Variants in PHKB observed in about 807,000 individuals in gnomAD.
PHKB encodes phosphorylase b kinase regulatory subunit beta.
In PHKB, 122 loss-of-function variants were observed where a neutral mutation model predicts 152.1. The ratio of observed to expected loss-of-function variants is 0.80; its 90% CI spans 0.69 to 0.93. PHKB has a LOEUF of 0.93. Among genes scored for constraint, PHKB ranks in the 40% least tolerant of loss-of-function variants. The probability of loss-of-function intolerance (pLI) is 0.00; values close to 1 mark genes in which losing one functional copy is unlikely to be tolerated. For missense variants in PHKB, 1,304 were observed against 1,328.4 expected, an observed-to-expected ratio of 0.98 and a Z score of 0.29; for synonymous variants, 436 against 464.9, an observed-to-expected ratio of 0.94 and a Z score of 0.80.
intron 26 of PHKB, among the ~76,000 whole-genome samples, chr16:47,677,674 A>G (rs1973758298): frequency 6.6e-6 from 1 of 152,172 alleles, no homozygotes; most frequent in African/African-American, 2.4e-5. Context: ...TCCAGATACC[A>G]TCACACTGGA....
At chr16:47,466,306 T>G (rs988865282) in intron 1 of PHKB, among the ~76,000 whole-genome samples, 21 of 152,216 alleles carry the variant, frequency 1.4e-4, no homozygotes, top group African/African-American at 5.1e-4. Context: ...TAAATAATTA[T>G]TAGAGAAGGA....
intron 14 of PHKB, among the ~76,000 whole-genome samples, chr16:47,634,715 G>A (rs1308594045): frequency 6.6e-6 from 1 of 152,154 alleles, no homozygotes; most frequent in Admixed American, 6.5e-5. Context: ...CACTTGATGG[G>A]AATATAGTTG....
At chr16:47,464,202 A>C in intron 1 of PHKB, 2 of 574,204 alleles carry the variant, frequency 3.5e-6, no homozygotes, top group South Asian at 2.0e-5. Context: ...AAAAGAACAG[A>C]GAGTGGAGTG....
intron 13 of PHKB, among the ~76,000 whole-genome samples, chr16:47,600,517 G>A (rs1206878241): frequency 6.6e-6 from 1 of 152,106 alleles, no homozygotes; most frequent in Non-Finnish European, 1.5e-5. Flanking sequence ...GTACCTTTTT[G>A]AGCTATTTGC....
At chr16:47,683,329 G>A (rs962894584) in intron 26 of PHKB, among the ~76,000 whole-genome samples, 9 of 152,228 alleles carry the variant, frequency 5.9e-5, no homozygotes, top group South Asian at 4.1e-4. Context: ...GGTTACTGCC[G>A]TCTTTTTGTT....
At chr16:47,555,621 A>G (rs1971355461) in intron 7 of PHKB, among the ~76,000 whole-genome samples, 1 of 152,248 alleles carries the variant, frequency 6.6e-6, no homozygotes, top group Non-Finnish European at 1.5e-5. Context: ...AGCTTATAAT[A>G]GAATAATTTA....
chr16:47,621,926 A>G (rs1246690935), intron 14 of PHKB, among the ~76,000 whole-genome samples: 1 of 152,222 alleles, frequency 6.6e-6, no homozygotes, highest in East Asian at 1.9e-4. Context: ...TTGGAAGTCA[A>G]AAAAATGAGC....
At chr16:47,580,394 G>C (rs758411456) in intron 8 of PHKB, 36 bp downstream of exon 8, 1 of 1,400,422 alleles carries the variant, frequency 7.1e-7, no homozygotes. Context: ...TTGATTATTT[G>C]AATTGCACAT....
At chr16:47,635,732 A>G (rs1243454263) in intron 14 of PHKB, among the ~76,000 whole-genome samples, 1 of 152,228 alleles carries the variant, frequency 6.6e-6, no homozygotes, top group Non-Finnish European at 1.5e-5. Flanking sequence ...GTGAGTGACT[A>G]TGAGCACAGA....
chr16:47,520,605 G>T (rs1005846161), intron 6 of PHKB, among the ~76,000 whole-genome samples: 3 of 152,202 alleles, frequency 2.0e-5, no homozygotes, highest in African/African-American at 7.2e-5. Context: ...TTCAAAGGCA[G>T]CCAAAGAGAC....
At chr16:47,563,739 G>A (rs540468945) in intron 7 of PHKB, among the ~76,000 whole-genome samples, 57 of 152,156 alleles carry the variant, frequency 3.7e-4, no homozygotes, top group African/African-American at 1.1e-3. Context: ...AAGTCTGGGC[G>A]TTAAGGGTAC....
chr16:47,549,792 C>CCTT (rs1405701113), intron 7 of PHKB, among the ~76,000 whole-genome samples: 1 of 152,144 alleles, frequency 6.6e-6, no homozygotes, highest in Non-Finnish European at 1.5e-5. Context: ...GTCAGAAGGT[C>CCTT]CCTGGTGACA....
chr16:47,528,696 C>CTTTTTT (rs11450311), intron 6 of PHKB, among the ~76,000 whole-genome samples: 6 of 137,382 alleles, frequency 4.4e-5, no homozygotes, highest in Non-Finnish European at 3.1e-5. Flanking sequence ...AGGACTTTTT[C>CTTTTTT]TTTTTTTTTT....
intron 12 of PHKB, among the ~76,000 whole-genome samples, chr16:47,595,968 T>C (rs920502440): frequency 1.3e-5 from 2 of 152,152 alleles, no homozygotes; most frequent in Non-Finnish European, 2.9e-5. Context: ...GAAGGGAAAT[T>C]TTGGGAAAGA....
At chr16:47,492,614 G>A (rs111877684) in intron 1 of PHKB, among the ~76,000 whole-genome samples, 4 of 152,178 alleles carry the variant, frequency 2.6e-5, no homozygotes, top group East Asian at 1.9e-4. Flanking sequence ...CTTGGTTCAC[G>A]CACCCCAGCC....
At chr16:47,658,597 T>C (rs1248117494) in intron 20 of PHKB, among the ~76,000 whole-genome samples, 1 of 152,212 alleles carries the variant, frequency 6.6e-6, no homozygotes, top group African/African-American at 2.4e-5. Context: ...TTTCTATCTT[T>C]AGATACACAA....
At chr16:47,687,083 T>C (rs905910156) in intron 26 of PHKB, among the ~76,000 whole-genome samples, 10 of 152,304 alleles carry the variant, frequency 6.6e-5, no homozygotes, top group Admixed American at 4.6e-4. Flanking sequence ...CATTGACTTA[T>C]TGAGGAGACC....
intron 4 of PHKB, among the ~76,000 whole-genome samples, chr16:47,506,240 C>G (rs1970417490): frequency 6.6e-6 from 1 of 151,440 alleles, no homozygotes; most frequent in African/African-American, 2.4e-5. Context: ...AACAAGTCTT[C>G]TTCTTCAGGC....
chr16:47,601,973 A>T (rs1402280453), intron 13 of PHKB, among the ~76,000 whole-genome samples: 1 of 152,198 alleles, frequency 6.6e-6, no homozygotes, highest in Non-Finnish European at 1.5e-5. Context: ...TTAAATATTA[A>T]GCAATTTTAG....
Sources: gnomAD v4.1 joint callset for allele counts (sites outside exome capture counted in the v4.1 genomes callset) on GRCh38, gnomAD v4.1.1 for gene constraint, MANE v1.5 for transcripts, NCBI Gene and HGNC (gene_info 2026-07-23, HGNC 2026-07-21) for gene names.